Variants in CRELD2 observed in about 807,000 individuals in gnomAD.
CRELD2 encodes CRELD disulfide isomerase 2.
In CRELD2, 33 loss-of-function variants were observed where a neutral mutation model predicts 48.1. That is an observed-to-expected ratio of 0.69 (90% CI 0.52 to 0.92). The LOEUF is 0.92. Ranked by LOEUF, CRELD2 falls within the 40% of genes least tolerant of loss-of-function variation. CRELD2 has a pLI of 0.00. For synonymous variants in CRELD2, 220 were observed against 203.9 expected (o/e 1.08, Z -0.67); for missense variants, 477 against 482.4 (o/e 0.99, Z 0.10).
At chr22:49,921,943 C>T in intron 5 of CRELD2, 182 bp downstream of exon 5, 1 of 653,596 alleles carries the variant, frequency 1.5e-6, no homozygotes, top group Non-Finnish European at 2.6e-6. Context: ...GGTTGTCGGG[C>T]ACTTCCTGTC....
At chr22:49,923,137 G>C in intron 6 of CRELD2, 97 bp from the exon 7 acceptor site, 1 of 970,092 alleles carries the variant, frequency 1.0e-6, no homozygotes, top group South Asian at 1.7e-5. Context: ...TTCCCCAGCC[G>C]GCCCTGGCCA....
rs1315208061 is a variant in CRELD2 at position 49,922,857 on chromosome 22, GGGCTT to G, written c.688+153_688+157del. ...GCGTGAGGTGGGGGCGTGAGGTGTG[GGGCTT>G]GGGGTGTGGGGGGCGTGAGGTGTGG... On this transcript the variant is annotated intron_variant, in intron 6 of 9. Coordinates refer to ENST00000328268, the MANE Select transcript of CRELD2 (RefSeq NM_024324.5). The G allele has an allele frequency of 2.6e-4, 39 of 148,786 alleles. 1 individual carries two copies. Among genetic ancestry groups the G allele is most frequent in the African/African-American group, 1.5e-3 (24 of 15,864 alleles). 9.2% of individuals were successfully genotyped at this position (148,786 alleles called of 1,614,324 possible). A position where few individuals can be genotyped will look rare whatever the true frequency, so the allele number is the denominator to read the frequency against.
At chr22:49,927,181 G>A in intron 9 of CRELD2, 74 bp from the exon 10 acceptor site, 3 of 1,333,114 alleles carry the variant, frequency 2.3e-6, no homozygotes, top group East Asian at 4.6e-5. Flanking sequence ...CACATGCGCT[G>A]CTGTCCTGGG....
chr22:49,926,677 T>TC (rs1365619190), intron 9 of CRELD2, among the ~76,000 whole-genome samples: 3 of 10,486 alleles, frequency 2.9e-4, no homozygotes, highest in African/African-American at 1.5e-3. Flanking sequence ...TGCCCCTCCC[T>TC]CCCCCCACCC....
intron 8 of CRELD2, 149 bp from the exon 9 acceptor site, chr22:49,925,268 G>GCCTTT (rs2060748430): frequency 1.6e-6 from 1 of 613,324 alleles, no homozygotes; most frequent in East Asian, 2.8e-5. Flanking sequence ...CCCTCTCGAA[G>GCCTTT]CCTTTCCTGA....
intron 5 of CRELD2, chr22:49,922,094 A>G: frequency 1.5e-6 from 1 of 649,672 alleles, no homozygotes; most frequent in Non-Finnish European, 2.6e-6. Context: ...AGAGAGCAGC[A>G]TCTGTCAAAT....
rs1173885902 is a variant in CRELD2, at chr22:49,921,338, A to C, written c.416-247A>C. The C allele has an allele frequency of 5.6e-6, 3 of 534,586 alleles. No homozygotes were observed. In the African/African-American group the frequency reaches 5.7e-5, roughly 10 times the overall value. The allele number at this position is 534,586 out of a possible 1,614,324, so 33.1% of individuals were successfully genotyped here. On this transcript the variant is annotated intron_variant, in intron 4 of 9. Transcript: ENST00000328268. ...GCTATGCAGGGTCCCTTGTTGACCT[A>C]AACGTCATCATGCAGCACGTGGCCA...
rs1208852541 is a variant in CRELD2, at chr22:49,919,841, G to GT, written c.323+2dup. The GT allele has an allele frequency of 1.3e-6, 2 of 1,590,824 alleles. No homozygotes were observed. The highest frequency in any genetic ancestry group is 4.5e-5 in the East Asian group (2 of 44,654). ...ACCTGGAGGCCTGGTGGCTGCAGCT[G>GT]TGAGTGCCTTAAAACCTCTTAGAAG... On this transcript the variant is annotated splice_donor_variant, in intron 3 of 9. Transcript: ENST00000328268. LOFTEE classifies it high-confidence loss of function.
chr22:49,924,635 G>A (rs957288410), intron 8 of CRELD2, 180 bp downstream of exon 8: 10 of 490,332 alleles, frequency 2.0e-5, no homozygotes, highest in African/African-American at 1.8e-4. Context: ...AGCAGTGGGG[G>A]TGGGGGACGG....
chr22:49,918,913 G>A lies in CRELD2; in HGVS notation c.129+15G>A. The stretch of plus-strand genomic sequence containing the variant: ...AGTTTAACCAGGTGGGAAGGGGCCG[G>A]GCGGGGTCGTCAACCTTGGGCCCGG... On this transcript the variant is annotated intron_variant, in intron 1 of 9. Coordinates refer to ENST00000328268, the MANE Select transcript of CRELD2 (RefSeq NM_024324.5). The A allele has an allele frequency of 7.5e-7, 1 of 1,331,334 alleles. No homozygotes were observed. Among genetic ancestry groups the A allele is most frequent in the Non-Finnish European group, 9.6e-7 (1 of 1,043,240 alleles). The allele number at this position is 1,331,334 out of a possible 1,614,324, so 82.5% of individuals were successfully genotyped here.
chr22:49,921,895 C>G (rs1040608966), intron 5 of CRELD2, 134 bp downstream of exon 5: 31 of 886,424 alleles, frequency 3.5e-5, no homozygotes, highest in Non-Finnish European at 5.1e-5. Flanking sequence ...TTCGAGGGCC[C>G]AGAAGGATGA....
Position 49,925,671 on chromosome 22 carries a change from GA to G in CRELD2, c.1009+115del, listed in dbSNP as rs778583915. On this transcript the variant is annotated intron_variant, in intron 9 of 9. Coordinates refer to ENST00000328268, the MANE Select transcript of CRELD2 (RefSeq NM_024324.5). ...ACAGATGGTGGCCTTGAGATGGTGAGAGGGGGATTCCCGGAAGACAGGTGCA... is the reference window on the plus strand; with the variant it reads ...ACAGATGGTGGCCTTGAGATGGTGAGGGGGGATTCCCGGAAGACAGGTGCA... 5 of 1,548,148 alleles carry G rather than the reference GA, an allele frequency of 3.2e-6. No individual in the cohort carries two copies. In the African/African-American group the frequency reaches 5.4e-5, roughly 17 times the overall value.
chr22:49,923,604 T>C, intron 7 of CRELD2: 1 of 536,720 alleles, frequency 1.9e-6, no homozygotes, highest in Non-Finnish European at 3.4e-6. Context: ...CCTGCGTGAC[T>C]TTCCGCAGCG....
intron 7 of CRELD2, chr22:49,923,543 C>T (rs1601846088): frequency 1.5e-6 from 1 of 647,068 alleles, no homozygotes; most frequent in South Asian, 1.6e-5. Context: ...GGAGAGCGCA[C>T]CCTGCTGGTG....
chr22:49,922,585 G>A, intron 5 of CRELD2, 27 bp from the exon 6 acceptor site: 2 of 1,516,816 alleles, frequency 1.3e-6, no homozygotes, highest in African/African-American at 1.4e-5. Context: ...AGTGGGGTTT[G>A]TACCCAGGCC....
In CRELD2 at chr22:49,918,876, G is replaced by C. The variant is rs956856030; in HGVS notation, c.107G>C (p.Gly36Ala). The C allele has an allele frequency of 1.5e-6, 2 of 1,299,452 alleles. No homozygotes were observed. The highest frequency in any genetic ancestry group is 3.1e-5 in the East Asian group (1 of 32,140). The allele number at this position is 1,299,452 out of a possible 1,614,324, so 80.5% of individuals were successfully genotyped here. The change falls in exon 1 of 10, where the codon GGG becomes GCG. Residue 36 changes from glycine to alanine, a missense_variant. Transcript: ENST00000328268. ...CCGACGCCCTGCCACCGGTGCCGGG[G>C]GCTGGTGGACAAGTTTAACCAGGTG... ...KKPTPCHRCR[G>A]LVDKFNQGMV... is the part of the protein sequence containing the mutation.
chr22:49,921,788 G>A (rs1206945348), intron 5 of CRELD2, 27 bp downstream of exon 5: 14 of 1,588,578 alleles, frequency 8.8e-6, no homozygotes, highest in Admixed American at 1.7e-5. Context: ...GGCTGGCCCC[G>A]GGGTTGAGGC....
intron 7 of CRELD2, 164 bp from the exon 8 acceptor site, chr22:49,924,196 C>T: frequency 3.5e-6 from 2 of 567,088 alleles, no homozygotes; most frequent in Admixed American, 5.6e-5. Flanking sequence ...GGACGCGAGT[C>T]TGTGCTTTTG....
chr22:49,918,808 GCTT>G lies in CRELD2; in HGVS notation c.42_44del (p.Leu18del), dbSNP rs755251564. The G allele has an allele frequency of 5.9e-5, 79 of 1,328,910 alleles. 1 individual carries two copies. The highest frequency in any genetic ancestry group is 4.3e-4 in the South Asian group (22 of 51,142). 82.3% of individuals were successfully genotyped at this position (1,328,910 alleles called of 1,614,324 possible). ...GCCGGGCCGCGCTGGGGCTCCTGCC[GCTT>G]CTGCTGCTGCTGCCGCCCGCGCCGG... On this transcript the variant is annotated inframe_deletion, in exon 1 of 10. Transcript: ENST00000328268.
Sources: allele counts gnomAD v4.1 joint callset (sites outside exome capture counted in the v4.1 genomes callset), GRCh38; gene constraint gnomAD v4.1.1; transcripts MANE v1.5; gene names NCBI Gene and HGNC (gene_info 2026-07-23, HGNC 2026-07-21).